The following GALNT17 variants were observed in gnomAD, a reference collection of about 807,000 sequenced individuals.
GALNT17 encodes the protein polypeptide N-acetylgalactosaminyltransferase 17, also known as UDP-GalNAc:polypeptide N-acetylgalactosaminyltransferase-like 3.
Under a neutral mutation model 63.7 loss-of-function variants are expected in GALNT17, and 29 were observed. That is an observed-to-expected ratio of 0.46 (90% confidence interval 0.34 to 0.62). The LOEUF (loss-of-function observed/expected upper bound fraction) is 0.62. Among genes scored for constraint, GALNT17 ranks in the 20% least tolerant of loss-of-function variants. The pLI is 0.01. For missense variants in GALNT17, 603 were observed against 799.6 expected (o/e 0.75, Z 2.97); for synonymous variants, 305 against 318.3 (o/e 0.96, Z 0.45).
At chr7:71,323,520 C>T (rs11978607) in intron 1 of GALNT17, among the ~76,000 whole-genome samples, 13,236 of 152,156 alleles carry the variant, frequency 0.087, 1,325 homozygotes, top group African/African-American at 0.23. Flanking sequence ...TATTAATAAC[C>T]TTTGGACATC....
chr7:71,568,614 G>A (rs796923976), intron 5 of GALNT17, among the ~76,000 whole-genome samples: 20 of 152,190 alleles, frequency 1.3e-4, no homozygotes, highest in African/African-American at 4.8e-4. Flanking sequence ...ATTTGCTTAG[G>A]ATAGTGGTCT....
intron 9 of GALNT17, among the ~76,000 whole-genome samples, chr7:71,696,446 T>C (rs970531100): frequency 1.3e-5 from 2 of 152,176 alleles, no homozygotes; most frequent in Admixed American, 6.5e-5. Context: ...GCCATTGTTT[T>C]CTACACTGAC....
intron 5 of GALNT17, among the ~76,000 whole-genome samples, chr7:71,444,574 G>A (rs536641214): frequency 2.0e-5 from 3 of 152,278 alleles, no homozygotes; most frequent in South Asian, 2.1e-4. Flanking sequence ...AGTGGCTCAC[G>A]CCTGTAATCC....
intron 7 of GALNT17, among the ~76,000 whole-genome samples, chr7:71,667,862 C>T (rs1038419787): frequency 1.3e-5 from 2 of 151,562 alleles, no homozygotes; most frequent in African/African-American, 2.4e-5. Flanking sequence ...TGTAGTGGTA[C>T]GATCTTGGTT....
At chr7:71,582,750 A>G (rs998962210) in intron 6 of GALNT17, among the ~76,000 whole-genome samples, 3 of 152,130 alleles carry the variant, frequency 2.0e-5, no homozygotes, top group Non-Finnish European at 4.4e-5. Flanking sequence ...CTTGCTCATA[A>G]GTGGGAGCTA....
chr7:71,272,242 G>A (rs1790606736), intron 1 of GALNT17, among the ~76,000 whole-genome samples: 1 of 151,910 alleles, frequency 6.6e-6, no homozygotes, highest in Admixed American at 6.6e-5. Flanking sequence ...TGGACATTTG[G>A]GTTGTTTCCA....
intron 1 of GALNT17, among the ~76,000 whole-genome samples, chr7:71,244,952 G>GA (rs879624006): frequency 7.1e-4 from 102 of 142,746 alleles, no homozygotes; most frequent in African/African-American, 8.9e-4. Context: ...CCTATCTCCA[G>GA]AAAAAAAAAA....
intron 1 of GALNT17, among the ~76,000 whole-genome samples, chr7:71,291,468 G>GAC (rs1790978687): frequency 6.6e-6 from 1 of 152,112 alleles, no homozygotes. Flanking sequence ...TGTGAAAACT[G>GAC]TCTAACAATA....
intron 1 of GALNT17, among the ~76,000 whole-genome samples, chr7:71,194,268 T>A (rs1789005806): frequency 6.6e-6 from 1 of 152,168 alleles, no homozygotes; most frequent in Admixed American, 6.5e-5. Context: ...TCACAGAGGT[T>A]TAGGAACTTG....
chr7:71,153,128 A>G (rs1788163710), intron 1 of GALNT17, among the ~76,000 whole-genome samples: 1 of 147,216 alleles, frequency 6.8e-6, no homozygotes, highest in African/African-American at 2.6e-5. Flanking sequence ...CTTTGGAGTT[A>G]GACAGAAGGA....
chr7:71,633,241 G>A (rs1304926577), intron 6 of GALNT17, among the ~76,000 whole-genome samples: 1 of 152,064 alleles, frequency 6.6e-6, no homozygotes, highest in Non-Finnish European at 1.5e-5. Context: ...CACTCGCCAT[G>A]TCCCAGGCAC....
At chr7:71,665,126 G>A (rs966264501) in intron 6 of GALNT17, among the ~76,000 whole-genome samples, 1 of 152,008 alleles carries the variant, frequency 6.6e-6, no homozygotes, top group Non-Finnish European at 1.5e-5. Flanking sequence ...ATAGGCGTGC[G>A]CCATCATGCC....
intron 1 of GALNT17, among the ~76,000 whole-genome samples, chr7:71,237,997 C>T (rs1420676235): frequency 6.6e-6 from 1 of 152,152 alleles, no homozygotes; most frequent in Non-Finnish European, 1.5e-5. Flanking sequence ...AAAATATCCA[C>T]TTTATTTATT....
intron 3 of GALNT17, among the ~76,000 whole-genome samples, 190 bp from the exon 4 acceptor site, chr7:71,415,699 C>G (rs1464458032): frequency 6.6e-6 from 1 of 152,144 alleles, no homozygotes; most frequent in African/African-American, 2.4e-5. Flanking sequence ...AGATAGCTGT[C>G]CTGGGTGAAT....
chr7:71,517,491 T>G (rs2116741634), intron 5 of GALNT17, among the ~76,000 whole-genome samples: 1 of 152,320 alleles, frequency 6.6e-6, no homozygotes, highest in South Asian at 2.1e-4. Context: ...TTAGCCCACC[T>G]TACCTTGATT....
intron 5 of GALNT17, among the ~76,000 whole-genome samples, chr7:71,426,922 G>A (rs565322453): frequency 4.3e-4 from 65 of 150,714 alleles, no homozygotes; most frequent in Admixed American, 1.7e-3. Context: ...TCCAGACTCC[G>A]TCTCAAAAAA....
Position 71,621,209 on chromosome 7 carries a change from G to A in GALNT17, c.1081-44202G>A, listed in dbSNP as rs542843859. Among the ~76,000 whole-genome samples the A allele has an allele frequency of 5.3e-5, 8 of 151,454 alleles. No individual in the cohort carries two copies. The East Asian group carries it at 9.7e-4, about 18-fold the overall frequency. On this transcript the variant is annotated intron_variant, in intron 6 of 10. Coordinates refer to ENST00000333538, the MANE Select transcript of GALNT17 (RefSeq NM_022479.3). ...GCTATAAACGCACTTTCTTCTGAGC[G>A]CCTTTTTTTTTTCTCCCTTGCCTTA...
At chr7:71,315,163 C>T (rs534018909) in intron 1 of GALNT17, among the ~76,000 whole-genome samples, 2 of 152,180 alleles carry the variant, frequency 1.3e-5, no homozygotes, top group African/African-American at 2.4e-5. Flanking sequence ...CTTAGCAAAA[C>T]GACTTCACAG....
At chr7:71,386,580 C>T (rs1792949002) in intron 2 of GALNT17, among the ~76,000 whole-genome samples, 1 of 152,124 alleles carries the variant, frequency 6.6e-6, no homozygotes, top group Non-Finnish European at 1.5e-5. Flanking sequence ...GCACGTTCCC[C>T]GGGTACTAAA....
Sources: allele counts gnomAD v4.1 joint callset (sites outside exome capture counted in the v4.1 genomes callset), GRCh38; gene constraint gnomAD v4.1.1; transcripts MANE v1.5; gene names NCBI Gene and HGNC (gene_info 2026-07-23, HGNC 2026-07-21).